Variants in GJC1 observed in about 807,000 individuals in gnomAD.
The protein encoded by GJC1 is gap junction protein gamma 1, also known as gap junction gamma-1 protein.
In GJC1, 5 loss-of-function variants were observed where a neutral mutation model predicts 29.3. That is an observed-to-expected ratio of 0.17 (90% CI 0.09 to 0.36). The LOEUF is 0.36. Among genes scored for constraint, GJC1 ranks in the 10% least tolerant of loss-of-function variants. The probability of loss-of-function intolerance (pLI) is 1.00; values close to 1 mark genes in which losing one functional copy is unlikely to be tolerated. For synonymous variants in GJC1, 177 were observed against 183.3 expected (o/e 0.97, Z 0.28); for missense variants, 310 against 496.2 (o/e 0.62, Z 3.56).
chr17:44,827,629 T>C (rs1597765091), intron 1 of GJC1, among the ~76,000 whole-genome samples: 2 of 151,288 alleles, frequency 1.3e-5, no homozygotes, highest in African/African-American at 2.4e-5. Flanking sequence ...ATCATAGCAA[T>C]GTCTTTGAAA....
chr17:44,810,780 AT>A (rs34260292), intron 1 of GJC1, among the ~76,000 whole-genome samples: 2,738 of 145,274 alleles, frequency 0.019, 33 homozygotes, highest in Non-Finnish European at 0.025. Flanking sequence ...CAATTAATTC[AT>A]TTTTTTTTTT....
At chr17:44,822,053 C>T (rs953895623) in intron 1 of GJC1, among the ~76,000 whole-genome samples, 147 of 151,148 alleles carry the variant, frequency 9.7e-4, no homozygotes, top group African/African-American at 3.2e-3. Context: ...AAAAATTAGC[C>T]GGGCATGGTG....
At chr17:44,824,904 G>T (rs199539284) in intron 1 of GJC1, among the ~76,000 whole-genome samples, 4 of 132,042 alleles carry the variant, frequency 3.0e-5, no homozygotes, top group Admixed American at 7.9e-5. Context: ...GTGCTTATAT[G>T]TTTTGGGGAA....
intron 1 of GJC1, among the ~76,000 whole-genome samples, chr17:44,819,475 T>G (rs1486121612): frequency 1.3e-5 from 2 of 151,626 alleles, no homozygotes; most frequent in African/African-American, 2.4e-5. Flanking sequence ...TGGCTAACAC[T>G]GTGAAACCCC....
intron 1 of GJC1, among the ~76,000 whole-genome samples, chr17:44,827,522 G>GA (rs1465278443): frequency 6.6e-6 from 1 of 151,980 alleles, no homozygotes; most frequent in Admixed American, 6.6e-5. Context: ...GAAAGGAGGA[G>GA]AAAAAAGAAA....
At chr17:44,796,926 T>C (rs533822431), downstream of GJC1, among the ~76,000 whole-genome samples, 4 of 152,064 alleles carry the variant, frequency 2.6e-5, no homozygotes, top group African/African-American at 4.8e-5. Context: ...CGGCTCACTG[T>C]AGCCTCCACC....
chr17:44,823,525 C>T (rs1345019738), intron 1 of GJC1, among the ~76,000 whole-genome samples: 1 of 151,380 alleles, frequency 6.6e-6, no homozygotes, highest in East Asian at 2.0e-4. Context: ...GCTGAGATTA[C>T]AGGCGTGAGC....
Position 44,798,631 on chromosome 17 carries a change from C to T in GJC1, c.*5996G>A, listed in dbSNP as rs1332647933. 6.6e-6 allele frequency: 1 copy of T among 152,178 alleles called. No homozygotes were observed. The highest frequency in any genetic ancestry group is 1.5e-5 in the Non-Finnish European group (1 of 68,030). 9.4% of individuals were successfully genotyped at this position (152,178 alleles called of 1,614,324 possible). ...GTTCATGCAATATCCAAACTGCACA[C>T]CACATGACATTAGATTGCTGGTTAA... is the stretch of plus-strand genomic sequence containing the variant. On this transcript the variant is annotated 3_prime_UTR_variant, in exon 3 of 3. Transcript: ENST00000592524.
At chr17:44,819,284 T>C (rs2050078477) in intron 1 of GJC1, among the ~76,000 whole-genome samples, 1 of 152,208 alleles carries the variant, frequency 6.6e-6, no homozygotes, top group Non-Finnish European at 1.5e-5. Context: ...AATGGAATTA[T>C]ATATTTGTCT....
intron 1 of GJC1, among the ~76,000 whole-genome samples, chr17:44,808,428 T>TACACACACACACACACACACACAC (rs56999580): frequency 1.4e-5 from 2 of 147,442 alleles, no homozygotes; most frequent in African/African-American, 5.1e-5. Context: ...CCCTGTCTCT[T>TACACACACACACACACACACACAC]ACACACACAC....
intron 1 of GJC1, among the ~76,000 whole-genome samples, chr17:44,815,957 C>T (rs370359264): frequency 1.3e-5 from 2 of 151,284 alleles, no homozygotes; most frequent in East Asian, 3.9e-4. Flanking sequence ...ACTAAAAATA[C>T]AAAAAATTAG....
intron 1 of GJC1, among the ~76,000 whole-genome samples, chr17:44,816,111 T>TC (rs2050040175): frequency 8.1e-5 from 2 of 24,704 alleles, no homozygotes; most frequent in African/African-American, 2.6e-4. Flanking sequence ...ACACTCCGTC[T>TC]CAAAAAAAAA....
At chr17:44,806,198 A>T (rs1178385187) in intron 2 of GJC1, among the ~76,000 whole-genome samples, 1 of 152,078 alleles carries the variant, frequency 6.6e-6, no homozygotes, top group East Asian at 1.9e-4. Context: ...GCTTGAACAG[A>T]GCAAGACTCC....
intron 1 of GJC1, among the ~76,000 whole-genome samples, chr17:44,828,830 A>G (rs1462531206): frequency 1.3e-5 from 2 of 152,044 alleles, no homozygotes; most frequent in Non-Finnish European, 2.9e-5. Context: ...TCTGAATAAT[A>G]CCTAAACCCT....
chr17:44,813,681 C>T (rs1236246933), intron 1 of GJC1, among the ~76,000 whole-genome samples: 3 of 151,668 alleles, frequency 2.0e-5, no homozygotes, highest in African/African-American at 7.3e-5. Flanking sequence ...TTAGGAGAGA[C>T]AGCGTTTCAC....
chr17:44,809,052 C>A (rs1340934617), intron 1 of GJC1, among the ~76,000 whole-genome samples: 1 of 152,118 alleles, frequency 6.6e-6, no homozygotes, highest in Non-Finnish European at 1.5e-5. Context: ...TGCACTCTAG[C>A]CTGGGCAACA....
At chr17:44,819,698 A>ATAAG (rs2145352382) in intron 1 of GJC1, among the ~76,000 whole-genome samples, 1 of 151,582 alleles carries the variant, frequency 6.6e-6, no homozygotes, top group East Asian at 2.0e-4. Flanking sequence ...AAATAAATAA[A>ATAAG]TAAATAAAAA....
chr17:44,803,930 G>A lies in GJC1; in HGVS notation c.*697C>T, dbSNP rs1443991884. ...GCTTGATATTTAAAGGAATCCTACA[G>A]TGAATCATTTATTTCCTTTGAAAAT... is the stretch of plus-strand genomic sequence containing the variant. On this transcript the variant is annotated 3_prime_UTR_variant, in exon 3 of 3. Coordinates refer to ENST00000592524, the MANE Select transcript of GJC1 (RefSeq NM_005497.4). The A allele has an allele frequency of 6.6e-6, 1 of 152,186 alleles. No homozygotes were observed. Among genetic ancestry groups the A allele is most frequent in the Non-Finnish European group, 1.5e-5 (1 of 68,038 alleles). 9.4% of individuals were successfully genotyped at this position (152,186 alleles called of 1,614,324 possible).
At position 44,803,747 on chromosome 17, in the gene GJC1, A is replaced by C. The variant is rs2049879780; in HGVS notation, c.*880T>G. On this transcript the variant is annotated 3_prime_UTR_variant, in exon 3 of 3. Transcript: ENST00000592524. The stretch of plus-strand genomic sequence containing the variant: ...CAGGTTCACAACTAAGCAGCCTATT[A>C]GGGATTCCAGGCATGGCTTTGCTTT... The C allele has an allele frequency of 6.6e-6, 1 of 152,246 alleles. No homozygotes were observed. The highest frequency in any genetic ancestry group is 1.5e-5 in the Non-Finnish European group (1 of 68,048). The allele number at this position is 152,246 out of a possible 1,614,324, so 9.4% of individuals were successfully genotyped here.
Sources: gnomAD v4.1 joint callset for allele counts (sites outside exome capture counted in the v4.1 genomes callset) on GRCh38, gnomAD v4.1.1 for gene constraint, MANE v1.5 for transcripts, NCBI Gene and HGNC (gene_info 2026-07-23, HGNC 2026-07-21) for gene names.